The following KCNMA1 variants were observed in gnomAD, a reference collection of about 807,000 sequenced individuals.
The protein encoded by KCNMA1 is potassium calcium-activated channel subfamily M alpha 1.
Under a neutral mutation model 140.0 loss-of-function variants are expected in KCNMA1, and 29 were observed. The ratio of observed to expected loss-of-function variants is 0.21; its 90% confidence interval spans 0.15 to 0.28. The LOEUF is 0.28. Ranked by LOEUF, KCNMA1 falls within the 10% of genes least tolerant of loss-of-function variation. The probability of loss-of-function intolerance (pLI) is 1.00; values close to 1 mark genes in which losing one functional copy is unlikely to be tolerated. For synonymous variants in KCNMA1, 612 were observed against 611.9 expected (o/e 1.00, Z 0.00); for missense variants, 880 against 1,602.2 (o/e 0.55, Z 7.70).
At chr10:77,408,939 G>A (rs796259372) in intron 1 of KCNMA1, among the ~76,000 whole-genome samples, 1 of 152,164 alleles carries the variant, frequency 6.6e-6, no homozygotes, top group African/African-American at 2.4e-5. Flanking sequence ...ATCAGAAGGT[G>A]GGGAGGAATT....
At chr10:77,360,025 G>C (rs1178016537) in intron 2 of KCNMA1, among the ~76,000 whole-genome samples, 1 of 152,152 alleles carries the variant, frequency 6.6e-6, no homozygotes, top group African/African-American at 2.4e-5. Context: ...ACAAAGACAG[G>C]AAAGTCATCT....
intron 14 of KCNMA1, among the ~76,000 whole-genome samples, chr10:77,040,889 A>G (rs537663778): frequency 3.4e-4 from 52 of 152,186 alleles, no homozygotes; most frequent in Non-Finnish European, 7.2e-4. Flanking sequence ...TTTCATTAAA[A>G]TATGCATTTT....
At chr10:77,036,752 G>T (rs936538268) in intron 15 of KCNMA1, among the ~76,000 whole-genome samples, 1 of 152,082 alleles carries the variant, frequency 6.6e-6, no homozygotes, top group Non-Finnish European at 1.5e-5. Context: ...TCTAATTACG[G>T]CTGTGCTTTA....
chr10:77,181,712 C>T (rs765307302), intron 5 of KCNMA1, among the ~76,000 whole-genome samples: 1 of 152,046 alleles, frequency 6.6e-6, no homozygotes, highest in Non-Finnish European at 1.5e-5. Context: ...ACTCTACTAG[C>T]CTCATCAGGA....
intron 1 of KCNMA1, among the ~76,000 whole-genome samples, chr10:77,615,385 T>G (rs1321480489): frequency 1.3e-5 from 2 of 152,176 alleles, no homozygotes; most frequent in African/African-American, 4.8e-5. Flanking sequence ...TCCAGCACTT[T>G]CCACCCCTTC....
intron 2 of KCNMA1, among the ~76,000 whole-genome samples, chr10:77,304,182 A>C (rs2077146999): frequency 6.6e-6 from 1 of 152,252 alleles, no homozygotes; most frequent in Non-Finnish European, 1.5e-5. Context: ...GAAAATGAGA[A>C]CAAGAAAGAA....
chr10:77,435,079 C>T (rs1190763766), intron 1 of KCNMA1, among the ~76,000 whole-genome samples: 1 of 151,860 alleles, frequency 6.6e-6, no homozygotes, highest in Non-Finnish European at 1.5e-5. Flanking sequence ...GGACTACAGG[C>T]ATGTGCTACC....
Position 77,268,929 on chromosome 10 carries a change from C to A in KCNMA1, c.541-17673G>T, listed in dbSNP as rs575098915. On this transcript the variant is annotated intron_variant, in intron 2 of 27. Coordinates refer to ENST00000286628, the MANE Select transcript of KCNMA1 (RefSeq NM_001161352.2). ...GTCTCCAGGAGACGCTGCACCAATG[C>A]AAAGAAACACAATCCAAGCATCTTG... Among the ~76,000 whole-genome samples, 15 of 152,224 alleles carry A rather than the reference C, an allele frequency of 9.9e-5. No individual in the cohort carries two copies. The South Asian group carries it at 2.9e-3, about 29-fold the overall frequency.
At chr10:77,163,282 T>C (rs1169984926) in intron 5 of KCNMA1, among the ~76,000 whole-genome samples, 1 of 152,234 alleles carries the variant, frequency 6.6e-6, no homozygotes, top group Non-Finnish European at 1.5e-5. Flanking sequence ...TACAATTTTA[T>C]TGGGACACAG....
At chr10:76,931,803 G>T (rs2059358941) in intron 23 of KCNMA1, among the ~76,000 whole-genome samples, 1 of 152,146 alleles carries the variant, frequency 6.6e-6, no homozygotes, top group Admixed American at 6.5e-5. Context: ...CTCCTCTGTA[G>T]GCTTTTGTTA....
intron 20 of KCNMA1, among the ~76,000 whole-genome samples, chr10:76,960,282 G>A (rs1462429943): frequency 6.6e-6 from 1 of 152,130 alleles, no homozygotes; most frequent in African/African-American, 2.4e-5. Flanking sequence ...GCTCATGCCT[G>A]TAATCTCAGC....
chr10:77,407,640 C>A (rs1021381202), intron 1 of KCNMA1, among the ~76,000 whole-genome samples: 5 of 152,206 alleles, frequency 3.3e-5, no homozygotes, highest in African/African-American at 9.6e-5. Flanking sequence ...TGGGCTTGTA[C>A]CTGCTCCAGA....
chr10:77,074,517 G>A (rs941196829), intron 13 of KCNMA1, among the ~76,000 whole-genome samples: 6 of 152,228 alleles, frequency 3.9e-5, no homozygotes, highest in Non-Finnish European at 7.3e-5. Context: ...GAAGGCTCTC[G>A]TCCTCACAGA....
chr10:77,631,682 C>T (rs1374275796), intron 1 of KCNMA1, among the ~76,000 whole-genome samples: 1 of 152,224 alleles, frequency 6.6e-6, no homozygotes, highest in East Asian at 1.9e-4. Context: ...GCACTTACTC[C>T]TGGCTATCAG....
chr10:77,015,119 A>T (rs150558886), intron 17 of KCNMA1, among the ~76,000 whole-genome samples: 1 of 152,056 alleles, frequency 6.6e-6, no homozygotes, highest in East Asian at 1.9e-4. Context: ...TCAGCTGGTG[A>T]TCTTGCTTCA....
intron 19 of KCNMA1, among the ~76,000 whole-genome samples, chr10:76,999,768 T>C (rs2085587536): frequency 6.6e-6 from 1 of 152,220 alleles, no homozygotes; most frequent in Admixed American, 6.5e-5. Flanking sequence ...CCATTAGGTA[T>C]TACTTTGAAG....
At chr10:76,920,020 G>GTGTGTGTGTGTATATATATATATA (rs1177257916) in intron 23 of KCNMA1, among the ~76,000 whole-genome samples, 2 of 34,406 alleles carry the variant, frequency 5.8e-5, no homozygotes, top group African/African-American at 2.1e-4. Flanking sequence ...GTGTGTGTGT[G>GTGTGTGTGTGTATATATATATATA]TATATATATA....
At position 77,427,719 on chromosome 10, in the gene KCNMA1, TCA is replaced by T. The variant is rs1566785398; in HGVS notation, c.379-23698_379-23697del. 6.2e-3 allele frequency among the ~76,000 whole-genome samples: 667 copies of T among 107,268 alleles called. 4 individuals carry two copies. The highest frequency in any genetic ancestry group is 0.024 in the African/African-American group (641 of 26,676). 70.4% of individuals were successfully genotyped at this position (107,268 alleles called of 152,430 possible). A position where few individuals can be genotyped will look rare whatever the true frequency, so the allele number is the denominator to read the frequency against. ...CATCCAATCCTGAGCATCCATCCAT[TCA>T]TTTATTTATTTATTTATTTATTTAT... is the stretch of plus-strand genomic sequence containing the variant. On this transcript the variant is annotated intron_variant, in intron 1 of 27. Transcript: ENST00000286628.
intron 15 of KCNMA1, among the ~76,000 whole-genome samples, chr10:77,029,334 G>A (rs1311101963): frequency 6.6e-6 from 1 of 152,190 alleles, no homozygotes; most frequent in African/African-American, 2.4e-5. Flanking sequence ...GTCACAGTGT[G>A]GGGAAGGCTT....
Sources: gnomAD v4.1 joint callset for allele counts (sites outside exome capture counted in the v4.1 genomes callset) on GRCh38, gnomAD v4.1.1 for gene constraint, MANE v1.5 for transcripts, NCBI Gene and HGNC (gene_info 2026-07-23, HGNC 2026-07-21) for gene names.